Variants in VAV3 observed in about 807,000 individuals in gnomAD.
VAV3 encodes the protein guanine nucleotide exchange factor VAV3.
In VAV3, 94 loss-of-function variants were observed where a neutral mutation model predicts 131.2. That is an observed-to-expected ratio of 0.72 (90% CI 0.61 to 0.85). The LOEUF is 0.85. Among genes scored for constraint, VAV3 ranks in the 40% least tolerant of loss-of-function variants. The pLI is 0.00. For synonymous variants in VAV3, 349 were observed against 342.0 expected (o/e 1.02, Z -0.22); for missense variants, 939 against 1,002.7 (o/e 0.94, Z 0.86).
intron 2 of VAV3, among the ~76,000 whole-genome samples, chr1:107,847,696 T>C (rs999321490): frequency 6.6e-6 from 1 of 152,046 alleles, no homozygotes; most frequent in Non-Finnish European, 1.5e-5. Context: ...TCTGGAAACA[T>C]ACACCCTCCC....
At position 107,770,664 on chromosome 1, in the gene VAV3, T is replaced by C; in HGVS notation, c.620A>G (p.Tyr207Cys). The C allele has an allele frequency of 6.2e-6, 10 of 1,612,256 alleles. No individual in the cohort carries two copies. Among genetic ancestry groups the C allele is most frequent in the Non-Finnish European group, 8.5e-6 (10 of 1,178,978 alleles). ...TTCTATTGACTCCAAAGTTTCTGTATATTTTTCTTCTGTCTGCTTAATTTC... is the reference window on the plus strand; with the variant it reads ...TTCTATTGACTCCAAAGTTTCTGTACATTTTTCTTCTGTCTGCTTAATTTC... The part of the protein sequence containing the change: ...LAEIKQTEEK[Y>C]TETLESIEKY... The change falls in exon 6 of 27, where the codon TAT becomes TGT. Residue 207 changes from tyrosine to cysteine, a missense_variant. By Grantham distance (194) the Tyr-to-Cys change is radical. Coordinates refer to ENST00000370056, the MANE Select transcript of VAV3 (RefSeq NM_006113.5).
intron 2 of VAV3, among the ~76,000 whole-genome samples, chr1:107,874,470 A>G (rs973678663): frequency 2.0e-5 from 3 of 152,188 alleles, no homozygotes; most frequent in African/African-American, 7.2e-5. Context: ...AACATTCTCA[A>G]CTTCCAAAAA....
At chr1:107,616,117 T>A (rs1274561717) in intron 21 of VAV3, among the ~76,000 whole-genome samples, 2 of 152,148 alleles carry the variant, frequency 1.3e-5, no homozygotes, top group Non-Finnish European at 2.9e-5. Context: ...CCCAAAGAAA[T>A]ATAAATTGTT....
intron 20 of VAV3, among the ~76,000 whole-genome samples, chr1:107,639,069 CA>C (rs1655145045): frequency 6.6e-6 from 1 of 151,814 alleles, no homozygotes; most frequent in Non-Finnish European, 1.5e-5. Context: ...TACAAACTTA[CA>C]AAGGCAATCC....
At chr1:107,893,194 CTT>C (rs1481270614) in intron 1 of VAV3, among the ~76,000 whole-genome samples, 1 of 152,112 alleles carries the variant, frequency 6.6e-6, no homozygotes, top group Non-Finnish European at 1.5e-5. Context: ...TATTTAGTGA[CTT>C]ATTTTTCAGC....
In VAV3 at chr1:107,809,909, G is replaced by A. The variant is rs79361503; in HGVS notation, c.322-30417C>T. 5.3e-3 allele frequency among the ~76,000 whole-genome samples: 808 copies of A among 152,228 alleles called. 2 individuals are homozygous for A. The highest frequency in any genetic ancestry group is 0.014 in the Middle Eastern group (4 of 294). On this transcript the variant is annotated intron_variant, in intron 2 of 26. Coordinates refer to ENST00000370056, the MANE Select transcript of VAV3 (RefSeq NM_006113.5). ...AAGGATCTCAATTTCCTAGAGAAAC[G>A]TTGCCAGGAAGGTTTTAAGAATAGT...
At chr1:107,857,526 C>T (rs1669529592) in intron 2 of VAV3, among the ~76,000 whole-genome samples, 2 of 152,228 alleles carry the variant, frequency 1.3e-5, no homozygotes, top group East Asian at 1.9e-4. Context: ...ATGAATGGTA[C>T]AGGTTTAGGA....
chr1:107,854,945 G>A (rs760597941), intron 2 of VAV3, among the ~76,000 whole-genome samples: 47 of 152,126 alleles, frequency 3.1e-4, no homozygotes, highest in Admixed American at 2.7e-3. Context: ...CCTACATAGC[G>A]ACCGAGCATC....
At chr1:107,832,411 G>C (rs1414825415) in intron 2 of VAV3, among the ~76,000 whole-genome samples, 1 of 152,192 alleles carries the variant, frequency 6.6e-6, no homozygotes, top group Admixed American at 6.5e-5. Context: ...AAAATGTTTG[G>C]AATTCGTGGA....
chr1:107,873,748 T>G (rs953538520), intron 2 of VAV3, among the ~76,000 whole-genome samples: 6 of 152,012 alleles, frequency 3.9e-5, no homozygotes, highest in African/African-American at 1.2e-4. Context: ...CACCTTCTTA[T>G]CCCCCCTTCC....
chr1:107,816,163 T>C (rs1392591002), intron 2 of VAV3, among the ~76,000 whole-genome samples: 1 of 152,164 alleles, frequency 6.6e-6, no homozygotes, highest in East Asian at 1.9e-4. Flanking sequence ...TGAGGACCTC[T>C]GGCCTAACAG....
At chr1:107,696,153 T>C (rs1659732812) in intron 17 of VAV3, among the ~76,000 whole-genome samples, 1 of 152,196 alleles carries the variant, frequency 6.6e-6, no homozygotes, top group East Asian at 1.9e-4. Flanking sequence ...AAGCAAGCAT[T>C]ATCTACAATC....
chr1:107,673,825 CA>C (rs1490656055), intron 19 of VAV3, among the ~76,000 whole-genome samples: 2 of 152,114 alleles, frequency 1.3e-5, no homozygotes, highest in African/African-American at 4.8e-5. Flanking sequence ...AAGTGTGTAA[CA>C]AAAGTATACA....
At chr1:107,577,317 T>TG (rs1649729228) in intron 25 of VAV3, among the ~76,000 whole-genome samples, 1 of 152,222 alleles carries the variant, frequency 6.6e-6, no homozygotes, top group Non-Finnish European at 1.5e-5. Flanking sequence ...ACTGTGCAAC[T>TG]GCCACTCTGC....
At chr1:107,882,669 A>T (rs1670840328) in intron 1 of VAV3, among the ~76,000 whole-genome samples, 1 of 152,142 alleles carries the variant, frequency 6.6e-6, no homozygotes, top group Non-Finnish European at 1.5e-5. Flanking sequence ...GGTGAGCTAA[A>T]TCTTACATCT....
intron 22 of VAV3, among the ~76,000 whole-genome samples, chr1:107,606,838 G>T (rs1409604815): frequency 7.5e-6 from 1 of 133,620 alleles, no homozygotes. Flanking sequence ...TTAGTTCAAG[G>T]GTTTCCTCAA....
At chr1:107,782,210 T>G (rs1412980904) in intron 2 of VAV3, among the ~76,000 whole-genome samples, 2 of 152,196 alleles carry the variant, frequency 1.3e-5, no homozygotes, top group African/African-American at 4.8e-5. Flanking sequence ...CTATTATGTA[T>G]TTTATATAGC....
rs536923019 is a variant in VAV3 at position 107,815,823 on chromosome 1, C to A, written c.322-36331G>T. Among the ~76,000 whole-genome samples the A allele has an allele frequency of 4.6e-5, 7 of 152,258 alleles. No individual in the cohort carries two copies. The South Asian group carries it at 1.4e-3, about 32-fold the overall frequency. ...TTTTGCCTAACACAACAGTCTCCAA[C>A]CTTTTTGGTACCAGGGACCAGTTTT... is the stretch of plus-strand genomic sequence containing the variant. On this transcript the variant is annotated intron_variant, in intron 2 of 26. Transcript: ENST00000370056.
Position 107,965,039 on chromosome 1 carries a change from T to C in VAV3, c.-170A>G. The C allele has an allele frequency of 3.0e-6, 1 of 336,602 alleles. No homozygotes were observed. Among genetic ancestry groups the C allele is most frequent in the Non-Finnish European group, 4.3e-6 (1 of 231,870 alleles). 20.9% of individuals were successfully genotyped at this position (336,602 alleles called of 1,614,324 possible). On this transcript the variant is annotated 5_prime_UTR_variant, in exon 1 of 27. Transcript: ENST00000370056. ...GGCTGACGGGTCGCGGGCGCCGCGC[T>C]AGGCTCGGCTCCGGTCCCGGCCCGG...
Sources: gnomAD v4.1 joint callset for allele counts (sites outside exome capture counted in the v4.1 genomes callset) on GRCh38, gnomAD v4.1.1 for gene constraint, MANE v1.5 for transcripts, NCBI Gene and HGNC (gene_info 2026-07-23, HGNC 2026-07-21) for gene names.